PEAK1: variants seen among roughly 807,000 people sequenced by gnomAD.
PEAK1 encodes the protein pseudopodium enriched atypical kinase 1.
PEAK1 carries 54 observed loss-of-function variants against 124.7 expected under a neutral mutation model. The observed-to-expected ratio is 0.43, with a 90% CI of 0.35 to 0.54. The LOEUF is 0.54. Among genes scored for constraint, PEAK1 ranks in the 20% least tolerant of loss-of-function variants. The pLI is 0.01. For synonymous variants in PEAK1, 719 were observed against 760.0 expected (o/e 0.95, Z 0.89); for missense variants, 2,046 against 2,134.5 (o/e 0.96, Z 0.82).
chr15:77,395,285 G>A (rs1374592521), intron 1 of PEAK1, among the ~76,000 whole-genome samples: 1 of 152,008 alleles, frequency 6.6e-6, no homozygotes, highest in Non-Finnish European at 1.5e-5. Context: ...GAAAGACAAT[G>A]AGGCACACTT....
intron 2 of PEAK1, chr15:77,337,173 T>C (rs1291871011): frequency 1.0e-5 from 10 of 984,862 alleles, no homozygotes; most frequent in Non-Finnish European, 1.2e-5. Flanking sequence ...CCCATGAAGT[T>C]TGAGAAGCAG....
chr15:77,341,744 T>C (rs1338386670), intron 2 of PEAK1, among the ~76,000 whole-genome samples: 1 of 152,080 alleles, frequency 6.6e-6, no homozygotes, highest in Non-Finnish European at 1.5e-5. Context: ...ATAACAAAGA[T>C]ACACCTATCA....
rs548063266 is a variant in PEAK1 at position 77,303,834 on chromosome 15, C to T, written c.-602-17330G>A. Among the ~76,000 whole-genome samples the T allele has an allele frequency of 6.6e-5, 10 of 152,118 alleles. No individual in the cohort carries two copies. In the East Asian group the frequency reaches 1.9e-3, roughly 29 times the overall value. On this transcript the variant is annotated intron_variant, in intron 2 of 9. Transcript: ENST00000682557. The stretch of plus-strand genomic sequence containing the variant: ...CCAAACCCAGTATCATATATGTTTT[C>T]CTCAATAAGTTTTATGTTGTATATT...
In PEAK1 at chr15:77,179,235, T is replaced by A; in HGVS notation, c.2692A>T (p.Ser898Cys). 6.2e-7 allele frequency: 1 copy of A among 1,614,180 alleles called. No individual in the cohort carries two copies. The highest frequency in any genetic ancestry group is 8.5e-7 in the Non-Finnish European group (1 of 1,180,030). Residue 898 changes from serine to cysteine, a missense_variant, in exon 7 of 10, where the codon AGC becomes TGC. Coordinates refer to ENST00000682557, the MANE Select transcript of PEAK1 (RefSeq NM_001385026.1). ...RHFTNWTKPT[S>C]PTRSTEAESV... ...TCAGCTTCTGTTGACCTGGTAGGGC[T>A]GGTTGGCTTGGTCCAGTTGGTGAAA...
intron 5 of PEAK1, among the ~76,000 whole-genome samples, chr15:77,275,310 TTGAAA>T (rs898091926): frequency 3.9e-5 from 6 of 152,136 alleles, no homozygotes; most frequent in Non-Finnish European, 5.9e-5. Flanking sequence ...CCAAAACCTA[TTGAAA>T]TAAGACAAAA....
chr15:77,373,115 A>T (rs1256313494), intron 1 of PEAK1, among the ~76,000 whole-genome samples: 1 of 152,216 alleles, frequency 6.6e-6, no homozygotes, highest in Admixed American at 6.5e-5. Context: ...CTTAATATGT[A>T]TTTATCCAAT....
intron 1 of PEAK1, among the ~76,000 whole-genome samples, chr15:77,392,572 C>T (rs1042273262): frequency 5.9e-5 from 9 of 152,142 alleles, no homozygotes; most frequent in Non-Finnish European, 1.0e-4. Flanking sequence ...TCTATTCCTA[C>T]ATCTTCATGT....
At position 77,283,885 on chromosome 15, in the gene PEAK1, CTT is replaced by C. The variant is rs1479766912; in HGVS notation, c.-279_-278del. 2.0e-6 allele frequency: 2 copies of C among 980,498 alleles called. No homozygotes were observed. The highest frequency in any genetic ancestry group is 2.4e-6 in the Non-Finnish European group (2 of 825,520). The allele number at this position is 980,498 out of a possible 1,614,324, so 60.7% of individuals were successfully genotyped here. A position where few individuals can be genotyped will look rare whatever the true frequency, so the allele number is the denominator to read the frequency against. On this transcript the variant is annotated 5_prime_UTR_variant, in exon 5 of 10. Coordinates refer to ENST00000682557, the MANE Select transcript of PEAK1 (RefSeq NM_001385026.1). ...CTTATTACTTGCCACTTCCTTACCT[CTT>C]TGTTACTGTTATTTATATAGCTGTA... is the stretch of plus-strand genomic sequence containing the variant.
intron 1 of PEAK1, among the ~76,000 whole-genome samples, chr15:77,388,567 C>G (rs1024078038): frequency 1.4e-4 from 22 of 152,160 alleles, no homozygotes; most frequent in Non-Finnish European, 1.5e-5. Context: ...GAATGCTTAC[C>G]TGAATCTTCT....
chr15:77,135,123 C>T (rs2053200519), intron 8 of PEAK1, among the ~76,000 whole-genome samples: 1 of 152,184 alleles, frequency 6.6e-6, no homozygotes, highest in African/African-American at 2.4e-5. Context: ...AGACTCCTAG[C>T]CTCCATAACT....
At chr15:77,242,807 A>G (rs927843457) in intron 6 of PEAK1, among the ~76,000 whole-genome samples, 5 of 152,182 alleles carry the variant, frequency 3.3e-5, no homozygotes, top group African/African-American at 1.2e-4. Flanking sequence ...CTTTCTCTAG[A>G]ATTCTATCAT....
intron 5 of PEAK1, among the ~76,000 whole-genome samples, chr15:77,255,771 C>G (rs58792939): frequency 0.22 from 33,530 of 152,068 alleles, 4,193 homozygotes; most frequent in Middle Eastern, 0.29. Flanking sequence ...ATGGATATAG[C>G]ACCAAACAAA....
In PEAK1 at chr15:77,316,765, G is replaced by T. The variant is rs142538579; in HGVS notation, c.-602-30261C>A. On this transcript the variant is annotated intron_variant, in intron 2 of 9. Transcript: ENST00000682557. Reference sequence around the variant, plus strand: ...ACTATATGTATACCTATGGAAAAATGTTCAACATAGCTTAGCGAAAAGTAA... The same window carrying T: ...ACTATATGTATACCTATGGAAAAATTTTCAACATAGCTTAGCGAAAAGTAA... Among the ~76,000 whole-genome samples, 15 of 152,236 alleles carry T rather than the reference G, an allele frequency of 9.9e-5. No individual in the cohort carries two copies. The East Asian group carries it at 1.5e-3, about 16-fold the overall frequency.
At chr15:77,287,361 C>T (rs17468792) in intron 2 of PEAK1, among the ~76,000 whole-genome samples, 44,811 of 152,028 alleles carry the variant, frequency 0.29, 7,178 homozygotes, top group Middle Eastern at 0.39. Flanking sequence ...AATATAAAAA[C>T]GCAATTTCCA....
intron 1 of PEAK1, chr15:77,419,022 AT>A (rs1351420170): frequency 6.1e-6 from 6 of 985,264 alleles, no homozygotes; most frequent in East Asian, 1.1e-4. Flanking sequence ...CAGAAAAAAA[AT>A]CAATTAGGTT....
At chr15:77,363,576 T>C (rs1365936930) in intron 2 of PEAK1, among the ~76,000 whole-genome samples, 1 of 152,174 alleles carries the variant, frequency 6.6e-6, no homozygotes, top group South Asian at 2.1e-4. Context: ...CACCTCTGTG[T>C]TGATCCACTT....
chr15:77,170,482 C>A (rs1176195308), intron 7 of PEAK1, among the ~76,000 whole-genome samples: 3 of 151,990 alleles, frequency 2.0e-5, no homozygotes, highest in Non-Finnish European at 2.9e-5. Context: ...TAGGCAGATG[C>A]CACATATGTA....
Position 77,181,627 on chromosome 15 carries a change from G to A in PEAK1, c.300C>T (p.Val100=), listed in dbSNP as rs2152821346. The change falls in exon 7 of 10, where the codon GTC becomes GTT. Residue 100 remains valine (V), a synonymous_variant. Transcript: ENST00000682557. Reference sequence around the variant, plus strand: ...CTCTGTTTCGGTTCCACCCTATGATGACAGGTTTGTTCTCACAGTGTTCTT... The same window carrying A: ...CTCTGTTTCGGTTCCACCCTATGATAACAGGTTTGTTCTCACAGTGTTCTT... ...SIQEHCENKP[V]IIGWNRNRAA... 1 of 1,614,086 alleles carries A rather than the reference G, an allele frequency of 6.2e-7. No homozygotes were observed. The highest frequency in any genetic ancestry group is 8.5e-7 in the Non-Finnish European group (1 of 1,180,000).
chr15:77,262,349 T>C (rs914038178), intron 5 of PEAK1, among the ~76,000 whole-genome samples: 2 of 152,096 alleles, frequency 1.3e-5, no homozygotes, highest in African/African-American at 4.8e-5. Context: ...ATCAGTGTGC[T>C]GTATTCAGGA....
Sources: gnomAD v4.1 joint callset for allele counts (sites outside exome capture counted in the v4.1 genomes callset) on GRCh38, gnomAD v4.1.1 for gene constraint, MANE v1.5 for transcripts, NCBI Gene and HGNC (gene_info 2026-07-23, HGNC 2026-07-21) for gene names.